IQCE: variants seen among roughly 807,000 people sequenced by gnomAD.
IQCE encodes IQ domain-containing protein E.
Under a neutral mutation model 96.0 loss-of-function variants are expected in IQCE, and 115 were observed. The observed-to-expected ratio is 1.20, with a 90% CI of 1.03 to 1.40. The LOEUF (loss-of-function observed/expected upper bound fraction) is 1.40. IQCE is among the 40% of genes most tolerant of loss of function. The pLI, the probability that IQCE is intolerant of heterozygous loss-of-function variation, is 0.00. For missense variants in IQCE, 1,041 were observed against 909.1 expected, an observed-to-expected ratio of 1.15 and a Z score of -1.87; for synonymous variants, 412 against 371.2, an observed-to-expected ratio of 1.11 and a Z score of -1.26.
chr7:2,568,808 G>A (rs1397031363), intron 2 of IQCE, 146 bp from the exon 3 acceptor site: 1 of 707,574 alleles, frequency 1.4e-6, no homozygotes, highest in African/African-American at 1.8e-5. Flanking sequence ...TGCGTGTCCT[G>A]TTCCTGGACC....
chr7:2,601,427 T>A lies in IQCE; in HGVS notation c.1609-14T>A. The stretch of plus-strand genomic sequence containing the variant: ...GTTAATTCATGTATTTTTTCTTTCT[T>A]TTTTTTTTTCCAGAAAAAAAAGGCT... On this transcript the variant is annotated splice_polypyrimidine_tract_variant and intron_variant, in intron 17 of 21. Transcript: ENST00000402050. 1 of 1,461,942 alleles carries A rather than the reference T, an allele frequency of 6.8e-7. No individual in the cohort carries two copies. Among genetic ancestry groups the A allele is most frequent in the Non-Finnish European group, 9.4e-7 (1 of 1,064,444 alleles). 90.6% of individuals were successfully genotyped at this position (1,461,942 alleles called of 1,614,324 possible).
At chr7:2,600,042 C>T (rs984274269) in intron 17 of IQCE, among the ~76,000 whole-genome samples, 1 of 152,136 alleles carries the variant, frequency 6.6e-6, no homozygotes, top group African/African-American at 2.4e-5. Context: ...GATCCACCTG[C>T]CTTGGTCTCC....
At chr7:2,588,086 G>A (rs369612558) in intron 13 of IQCE, among the ~76,000 whole-genome samples, 2 of 152,234 alleles carry the variant, frequency 1.3e-5, no homozygotes, top group Non-Finnish European at 2.9e-5. Context: ...GCTTCTGTGC[G>A]TGGCCGCAGG....
chr7:2,590,345 G>C (rs949408190), intron 14 of IQCE, among the ~76,000 whole-genome samples: 2 of 152,262 alleles, frequency 1.3e-5, no homozygotes, highest in Non-Finnish European at 2.9e-5. Flanking sequence ...GAAACTGATT[G>C]TTGCCGGGGT....
At chr7:2,595,073 GCCACTGAAAATC>G in intron 16 of IQCE, 97 bp downstream of exon 16, 1 of 832,362 alleles carries the variant, frequency 1.2e-6, no homozygotes, top group Non-Finnish European at 2.1e-6. Context: ...TTTCTGACCA[GCCACTGAAAATC>G]CCACTCCCCT....
Position 2,598,810 on chromosome 7 carries a change from C to T in IQCE, c.1608+178C>T, listed in dbSNP as rs1038429247. On this transcript the variant is annotated intron_variant, in intron 17 of 21. Coordinates refer to ENST00000402050, the MANE Select transcript of IQCE (RefSeq NM_152558.5). ...CACGCTGACACCTCCGTTCTGGGTGCGTTTTGTGCAGTAGTGGATAACTCG... is the reference window on the plus strand; with the variant it reads ...CACGCTGACACCTCCGTTCTGGGTGTGTTTTGTGCAGTAGTGGATAACTCG... The T allele has an allele frequency of 4.4e-5, 21 of 473,332 alleles. 1 individual carries two copies. The highest frequency in any genetic ancestry group is 1.1e-3 in the Middle Eastern group (2 of 1,828). 29.3% of individuals were successfully genotyped at this position (473,332 alleles called of 1,614,324 possible).
At position 2,598,629 on chromosome 7, in the gene IQCE, CA is replaced by C; in HGVS notation, c.1607del (p.Lys536ArgfsTer28). The C allele has an allele frequency of 6.5e-7, 1 of 1,542,814 alleles. No individual in the cohort carries two copies. Among genetic ancestry groups the C allele is most frequent in the Non-Finnish European group, 8.7e-7 (1 of 1,144,372 alleles). On this transcript the variant is annotated frameshift_variant and splice_region_variant, in exon 17 of 22. Coordinates refer to ENST00000402050, the MANE Select transcript of IQCE (RefSeq NM_152558.5). LOFTEE classifies it high-confidence loss of function. ...AGGCCCAGTGGAAGGTGTACAAGCA[CA>C]AGGTGAGGCTCCCCGGGGCGACCCG... is the stretch of plus-strand genomic sequence containing the variant. ...LQAQWKVYKHKKKKAVLDEAA... is the reference protein window; with the variant it reads ...LQAQWKVYKHXKKKAVLDEAA...
intron 20 of IQCE, among the ~76,000 whole-genome samples, chr7:2,606,293 GGTCACCATCA>G (rs1784821466): frequency 6.6e-6 from 1 of 152,180 alleles, no homozygotes; most frequent in Admixed American, 6.5e-5. Flanking sequence ...GTGTAGCTCA[GGTCACCATCA>G]GTCTGTGGCC....
intron 17 of IQCE, among the ~76,000 whole-genome samples, chr7:2,599,519 C>T (rs926823296): frequency 1.3e-5 from 2 of 151,294 alleles, no homozygotes; most frequent in Non-Finnish European, 2.9e-5. Flanking sequence ...TTCATAGAGA[C>T]AGGGTCTCAC....
chr7:2,575,979 C>T (rs986449707), intron 6 of IQCE, among the ~76,000 whole-genome samples: 1 of 152,286 alleles, frequency 6.6e-6, no homozygotes, highest in South Asian at 2.1e-4. Flanking sequence ...CTCTTGGAAG[C>T]GGCAGTCCCG....
intron 16 of IQCE, among the ~76,000 whole-genome samples, chr7:2,595,290 G>T (rs1158935286): frequency 6.6e-6 from 1 of 152,226 alleles, no homozygotes; most frequent in African/African-American, 2.4e-5. Context: ...GGCAGGAGGG[G>T]CTTGGGGGGA....
intron 16 of IQCE, among the ~76,000 whole-genome samples, chr7:2,596,470 G>A (rs1314907974): frequency 7.0e-6 from 1 of 142,436 alleles, no homozygotes; most frequent in Non-Finnish European, 1.5e-5. Flanking sequence ...TATTAGCTTT[G>A]TGTTATTTTC....
At chr7:2,598,316 C>A in intron 16 of IQCE, 149 bp from the exon 17 acceptor site, 1 of 706,390 alleles carries the variant, frequency 1.4e-6, no homozygotes, top group Non-Finnish European at 2.3e-6. Flanking sequence ...GGTCTGCAGA[C>A]CAGTGTGGAA....
At position 2,610,038 on chromosome 7, in the gene IQCE, CT is replaced by C; in HGVS notation, c.1970-5del. Reference sequence around the variant, plus strand: ...TGACCCCTCTCCCTGTGGTTCATTTCTGCAGACCCCTCTCCCTCAGGGCCAC... The same window carrying C: ...TGACCCCTCTCCCTGTGGTTCATTTCGCAGACCCCTCTCCCTCAGGGCCAC... On this transcript the variant is annotated splice_polypyrimidine_tract_variant and splice_region_variant and intron_variant, in intron 21 of 21. Transcript: ENST00000402050. 1 of 1,519,052 alleles carries C rather than the reference CT, an allele frequency of 6.6e-7. No individual in the cohort carries two copies. The allele number at this position is 1,519,052 out of a possible 1,614,324, so 94.1% of individuals were successfully genotyped here. A position where few individuals can be genotyped will look rare whatever the true frequency, so the allele number is the denominator to read the frequency against.
At chr7:2,584,128 C>T in intron 10 of IQCE, 108 bp from the exon 11 acceptor site, 1 of 976,360 alleles carries the variant, frequency 1.0e-6, no homozygotes, top group South Asian at 1.3e-5. Flanking sequence ...CACTTAGTTC[C>T]CGCTTCTGGC....
At chr7:2,562,813 G>A (rs1001945452) in intron 1 of IQCE, among the ~76,000 whole-genome samples, 4 of 149,076 alleles carry the variant, frequency 2.7e-5, no homozygotes, top group African/African-American at 9.8e-5. Context: ...TTCTGAAGGT[G>A]AAAGTTTAGA....
In IQCE at chr7:2,586,348, C is replaced by T. The variant is rs1783110986; in HGVS notation, c.965C>T (p.Ser322Phe). 2 of 1,613,030 alleles carry T rather than the reference C, an allele frequency of 1.2e-6. No homozygotes were observed. The highest frequency in any genetic ancestry group is 4.5e-5 in the East Asian group (2 of 44,898). Residue 322 changes from serine (S) to phenylalanine (F), a missense_variant, in exon 12 of 22, where the codon TCC (serine) becomes TTC (phenylalanine). Ser to Phe is a radical substitution (Grantham distance 155, BLOSUM62 -2). Transcript: ENST00000402050. ...GACCTGGACCGCGTGCTGAGCACCT[C>T]CCCAACCATCTCCAAGACACAGGGT... is the stretch of plus-strand genomic sequence containing the variant. ...KEDLDRVLSTSPTISKTQGYV... is the reference protein window; with the variant it reads ...KEDLDRVLSTFPTISKTQGYV...
At position 2,579,700 on chromosome 7, in the gene IQCE, GGTGTGTGTGTGTGT is replaced by G. The variant is rs68086038; in HGVS notation, c.630+1199_630+1212del. On this transcript the variant is annotated intron_variant, in intron 8 of 21. Transcript: ENST00000402050. ...GGCTCCATGTTTTTGTTGTTCTGGT[GGTGTGTGTGTGTGT>G]GTGTGTGTGTGTGTGTGTGTGTGTC... 6.0e-5 allele frequency among the ~76,000 whole-genome samples: 8 copies of G among 133,080 alleles called. No individual in the cohort carries two copies. In the East Asian group the frequency reaches 9.2e-4, roughly 15 times the overall value. 87.3% of individuals were successfully genotyped at this position (133,080 alleles called of 152,430 possible). A position where few individuals can be genotyped will look rare whatever the true frequency, so the allele number is the denominator to read the frequency against.
In IQCE at chr7:2,603,508, C is replaced by T. The variant is rs550850523; in HGVS notation, c.1633-1373C>T. On this transcript the variant is annotated intron_variant, in intron 18 of 21. Coordinates refer to ENST00000402050, the MANE Select transcript of IQCE (RefSeq NM_152558.5). ...GGCGCCCCCCATGCCTCAGGGGCCT[C>T]GTCTCTAAGTAAAGACAGCAGTGAG... Among the ~76,000 whole-genome samples the T allele has an allele frequency of 8.5e-5, 13 of 152,278 alleles. 1 individual carries two copies. Among genetic ancestry groups the T allele is most frequent in the Admixed American group, 2.0e-4 (3 of 15,304 alleles).
Sources: gnomAD v4.1 joint callset for allele counts (sites outside exome capture counted in the v4.1 genomes callset) on GRCh38, gnomAD v4.1.1 for gene constraint, MANE v1.5 for transcripts, NCBI Gene and HGNC (gene_info 2026-07-23, HGNC 2026-07-21) for gene names.